LAMA4: variants seen among roughly 807,000 people sequenced by gnomAD.
LAMA4 encodes the protein laminin subunit alpha-4.
Under a neutral mutation model 207.1 loss-of-function variants are expected in LAMA4, and 127 were observed. That is an observed-to-expected ratio of 0.61 (90% CI 0.53 to 0.71). The LOEUF is 0.71. Among genes scored for constraint, LAMA4 ranks in the 30% least tolerant of loss-of-function variants. The pLI is 0.00. For missense variants in LAMA4, 2,093 were observed against 2,246.5 expected (o/e 0.93, Z 1.38); for synonymous variants, 761 against 816.0 (o/e 0.93, Z 1.15).
chr6:112,169,846 G>A (rs1455620762), intron 12 of LAMA4, among the ~76,000 whole-genome samples: 3 of 152,200 alleles, frequency 2.0e-5, no homozygotes, highest in African/African-American at 7.2e-5. Context: ...TTTTAGAACT[G>A]AAGTCTCTTC....
At chr6:112,129,148 T>C in intron 30 of LAMA4, 73 bp from the exon 31 acceptor site, 4 of 1,382,720 alleles carry the variant, frequency 2.9e-6, no homozygotes, top group Middle Eastern at 1.9e-4. Context: ...ATTATGGAAG[T>C]GAAAGAGCTT....
At position 112,129,044 on chromosome 6, in the gene LAMA4, G is replaced by A; in HGVS notation, c.4165C>T (p.Gln1389Ter). Reference sequence around the variant, plus strand: ...GTGTGGACCTTTTCAGTATACCGTTGGAAATCTTCAACCTCCACATCTCTA... The same window carrying A: ...GTGTGGACCTTTTCAGTATACCGTTAGAAATCTTCAACCTCCACATCTCTA... The part of the protein sequence containing the change: ...VDRDVEVEDF[Q>*]RYTEKVHTSL... Residue 1389 changes from glutamine to a stop codon, truncating the protein, a stop_gained, in exon 31 of 39, where the codon CAA becomes TAA. Transcript: ENST00000230538. LOFTEE classifies it high-confidence loss of function. 1 of 1,612,438 alleles carries A rather than the reference G, an allele frequency of 6.2e-7. No homozygotes were observed. Among genetic ancestry groups the A allele is most frequent in the South Asian group, 1.1e-5 (1 of 91,044 alleles).
chr6:112,175,170 G>T, intron 11 of LAMA4, 143 bp downstream of exon 11: 1 of 814,018 alleles, frequency 1.2e-6, no homozygotes, highest in Non-Finnish European at 2.1e-6. Flanking sequence ...ATGATTCCCT[G>T]TGGCCACATG....
At position 112,109,420 on chromosome 6, in the gene LAMA4, A is replaced by T. The variant is rs1554320854; in HGVS notation, c.*17T>A. The T allele has an allele frequency of 6.2e-7, 1 of 1,613,538 alleles. No homozygotes were observed. Among genetic ancestry groups the T allele is most frequent in the South Asian group, 1.1e-5 (1 of 91,044 alleles). On this transcript the variant is annotated 3_prime_UTR_variant, in exon 39 of 39. Transcript: ENST00000230538. ...GCTCTAAAGAACTTTGTATTTGGGC[A>T]GCTGTGCTCTGTCATGTCAGGCTGC... is the stretch of plus-strand genomic sequence containing the variant.
In LAMA4 at chr6:112,109,373, C is replaced by T; in HGVS notation, c.*64G>A. 6.3e-7 allele frequency: 1 copy of T among 1,588,272 alleles called. No individual in the cohort carries two copies. The highest frequency in any genetic ancestry group is 8.6e-7 in the Non-Finnish European group (1 of 1,160,022). ...AAGGAAGAGTTACTGTTCCTCCTGG[C>T]TGGCTTTGTGTTTCTTTCAGTGCTC... On this transcript the variant is annotated 3_prime_UTR_variant, in exon 39 of 39. Transcript: ENST00000230538.
At chr6:112,241,192 A>ATATATATGAATGT in intron 2 of LAMA4, among the ~76,000 whole-genome samples, 1 of 124,892 alleles carries the variant, frequency 8.0e-6, no homozygotes, top group Non-Finnish European at 1.8e-5. Flanking sequence ...AATATATATG[A>ATATATATGAATGT]ATATATATGA....
intron 30 of LAMA4, among the ~76,000 whole-genome samples, 154 bp from the exon 31 acceptor site, chr6:112,129,229 A>G (rs2114636450): frequency 6.6e-6 from 1 of 152,050 alleles, no homozygotes; most frequent in Middle Eastern, 3.4e-3. Flanking sequence ...TTACCCATCA[A>G]CCACTCTTAA....
intron 12 of LAMA4, chr6:112,171,689 A>G (rs1359399840): frequency 6.5e-6 from 1 of 153,628 alleles, no homozygotes; most frequent in Non-Finnish European, 1.5e-5. Flanking sequence ...AAAAAAAAAA[A>G]AAAAAGTTAT....
intron 18 of LAMA4, 86 bp from the exon 19 acceptor site, chr6:112,145,019 A>G (rs1779936585): frequency 1.9e-5 from 23 of 1,214,796 alleles, no homozygotes; most frequent in Non-Finnish European, 2.7e-5. Flanking sequence ...CATGGATTAC[A>G]TATGGTAGAA....
At chr6:112,222,765 C>T (rs117142997) in intron 2 of LAMA4, among the ~76,000 whole-genome samples, 1,585 of 152,254 alleles carry the variant, frequency 0.01, 10 homozygotes, top group Non-Finnish European at 0.016. Flanking sequence ...ACAGCCTTGG[C>T]GTGTGTTGAA....
At chr6:112,246,884 C>T (rs1554188784) in intron 2 of LAMA4, among the ~76,000 whole-genome samples, 1 of 152,122 alleles carries the variant, frequency 6.6e-6, no homozygotes, top group Non-Finnish European at 1.5e-5. Context: ...CTGCTCAGAT[C>T]CTCCTATTGC....
At chr6:112,189,050 C>G (rs938059624) in intron 7 of LAMA4, 60 bp downstream of exon 7, 1 of 1,250,136 alleles carries the variant, frequency 8.0e-7, no homozygotes, top group Non-Finnish European at 1.2e-6. Flanking sequence ...TTTTCTTAAT[C>G]CCACACCTGC....
intron 19 of LAMA4, 68 bp from the exon 20 acceptor site, chr6:112,142,360 C>T (rs1159799376): frequency 6.9e-7 from 1 of 1,449,548 alleles, no homozygotes; most frequent in African/African-American, 1.4e-5. Context: ...CCCGTGCTTC[C>T]CTCATTCGTG....
chr6:112,192,628 G>T lies in LAMA4; in HGVS notation c.504-778C>A, dbSNP rs533568778. Among the ~76,000 whole-genome samples the T allele has an allele frequency of 3.3e-5, 5 of 152,326 alleles. No homozygotes were observed. In the South Asian group the frequency reaches 1.0e-3, roughly 32 times the overall value. On this transcript the variant is annotated intron_variant, in intron 5 of 38. Coordinates refer to ENST00000230538, the MANE Select transcript of LAMA4 (RefSeq NM_001105206.3). ...GGGCAGAGCCAGTGCCTATGGTCAG[G>T]CTGGCTGGGCCTTTGATGAGAGAGC...
chr6:112,214,104 AT>A, intron 3 of LAMA4: 1 of 711,092 alleles, frequency 1.4e-6, no homozygotes, highest in East Asian at 2.6e-5. Context: ...ACAGAAAAAA[AT>A]GAGTTTGATT....
Position 112,254,044 on chromosome 6 carries a change from A to T in LAMA4, c.107T>A (p.Ile36Asn). The change falls in exon 2 of 39, where the codon ATT (isoleucine) becomes AAT (asparagine). Residue 36 changes from isoleucine to asparagine, a missense_variant. Ile to Asn is a moderately radical substitution (Grantham distance 149). This residue lies in a region of LAMA4 where 1,704 missense variants were observed against 1,788.4 expected (regional missense o/e 0.95). Transcript: ENST00000230538. ...SGDDNAFPFD[I>N]EGSSAVGRQD... ...CCTGCCAACCGCTGAGCTCCCTTCA[A>T]TGTCAAAAGGAAAAGCGTTGTCGTC... The T allele has an allele frequency of 6.2e-7, 1 of 1,601,784 alleles. No homozygotes were observed. Among genetic ancestry groups the T allele is most frequent in the Non-Finnish European group, 8.5e-7 (1 of 1,174,198 alleles).
intron 6 of LAMA4, among the ~76,000 whole-genome samples, chr6:112,191,427 A>G (rs540901740): frequency 3.5e-4 from 53 of 152,324 alleles, no homozygotes; most frequent in South Asian, 8.3e-4. Flanking sequence ...AGTTTATTCC[A>G]CCCATGAGCA....
Position 112,207,113 on chromosome 6 carries a change from A to C in LAMA4, c.330T>G (p.Cys110Trp). 6.2e-7 allele frequency: 1 copy of C among 1,613,992 alleles called. No individual in the cohort carries two copies. The highest frequency in any genetic ancestry group is 8.5e-7 in the Non-Finnish European group (1 of 1,179,956). ...HCQRNTTGEH[C>W]EKCLDGYIGD... ...CGATATAACCATCCAGACACTTTTCACAGTGCTCTCCTGTTGTGTTCCGCT... is the reference window on the plus strand; with the variant it reads ...CGATATAACCATCCAGACACTTTTCCCAGTGCTCTCCTGTTGTGTTCCGCT... Residue 110 changes from cysteine (C) to tryptophan (W), a missense_variant, in exon 4 of 39, where the codon TGT becomes TGG. By Grantham distance (215) the Cys-to-Trp change is radical. Coordinates refer to ENST00000230538, the MANE Select transcript of LAMA4 (RefSeq NM_001105206.3).
rs1399050505 is a variant in LAMA4, at chr6:112,180,806, A to G, written c.1078-2574T>C. Among the ~76,000 whole-genome samples the G allele has an allele frequency of 2.0e-5, 3 of 152,288 alleles. No individual in the cohort carries two copies. In the East Asian group the frequency reaches 5.8e-4, roughly 29 times the overall value. ...CAAGCATAAACAGCAACAGTCCTGG[A>G]CAAACCAATAGTAGGAATATTGGTG... On this transcript the variant is annotated intron_variant, in intron 9 of 38. Transcript: ENST00000230538.
Sources: gnomAD v4.1 joint callset for allele counts (sites outside exome capture counted in the v4.1 genomes callset) on GRCh38, gnomAD v4.1.1 for gene constraint, gnomAD v4.1.1 regional missense constraint, MANE v1.5 for transcripts, NCBI Gene and HGNC (gene_info 2026-07-23, HGNC 2026-07-21) for gene names.